Variants in DDX21 observed in about 807,000 individuals in gnomAD.
DDX21 encodes DExD-box helicase 21.
In DDX21, 18 loss-of-function variants were observed where a neutral mutation model predicts 90.0. The observed-to-expected ratio is 0.20, with a 90% confidence interval of 0.14 to 0.30. The LOEUF is 0.30. Among genes scored for constraint, DDX21 ranks in the 10% least tolerant of loss-of-function variants. The pLI, the probability that DDX21 is intolerant of heterozygous loss-of-function variation, is 1.00. For missense variants in DDX21, 673 were observed against 944.5 expected, an observed-to-expected ratio of 0.71 and a Z score of 3.77; for synonymous variants, 294 against 318.0, an observed-to-expected ratio of 0.92 and a Z score of 0.80.
intron 4 of DDX21, chr10:68,964,151 A>C: frequency 2.4e-6 from 1 of 414,898 alleles, no homozygotes; most frequent in South Asian, 1.8e-5. Context: ...AGGGCAAGTC[A>C]GAGGTGAAAA....
chr10:68,968,055 GTT>G (rs1452629576), intron 6 of DDX21, among the ~76,000 whole-genome samples: 1 of 149,876 alleles, frequency 6.7e-6, no homozygotes, highest in Non-Finnish European at 1.5e-5. Context: ...TAATTTTTCT[GTT>G]TTTTGTAGAG....
chr10:68,958,729 G>A (rs995623740), intron 1 of DDX21, among the ~76,000 whole-genome samples: 7 of 151,996 alleles, frequency 4.6e-5, no homozygotes, highest in Admixed American at 2.6e-4. Flanking sequence ...GAGCCACCGC[G>A]CCCAGCCTAA....
Position 68,960,019 on chromosome 10 carries a change from C to T in DDX21, c.301C>T (p.Pro101Ser). Residue 101 changes from proline (P) to serine (S), a missense_variant, in exon 2 of 15, where the codon CCC becomes TCC. By Grantham distance (74) the Pro-to-Ser change is moderately conservative (BLOSUM62 -1). Transcript: ENST00000354185. ...KTKSLRKKKE[P>S]IEKKVVSSKT... The stretch of plus-strand genomic sequence containing the variant: ...CAAAAGTTTGAGAAAGAAAAAGGAG[C>T]CCATTGAAAAGAAAGTGGTTTCTTC... The T allele has an allele frequency of 6.2e-7, 1 of 1,603,430 alleles. No homozygotes were observed. The highest frequency in any genetic ancestry group is 1.1e-5 in the South Asian group (1 of 87,182).
intron 1 of DDX21, among the ~76,000 whole-genome samples, chr10:68,957,632 C>A (rs1300545926): frequency 6.6e-6 from 1 of 152,156 alleles, no homozygotes; most frequent in East Asian, 1.9e-4. Context: ...ATGCTCAAAT[C>A]CAGAGGTACA....
At chr10:68,973,314 C>CA (rs1406418387) in intron 9 of DDX21, among the ~76,000 whole-genome samples, 1 of 152,160 alleles carries the variant, frequency 6.6e-6, no homozygotes, top group Non-Finnish European at 1.5e-5. Context: ...CTCTAATGGA[C>CA]AAGCACTATT....
chr10:68,978,718 T>A (rs1843142929), intron 12 of DDX21, 124 bp from the exon 13 acceptor site: 2 of 1,266,596 alleles, frequency 1.6e-6, no homozygotes, highest in African/African-American at 1.5e-5. Flanking sequence ...ACTAATTGTT[T>A]GTGTGAGATG....
chr10:68,965,316 G>T, intron 4 of DDX21, 61 bp from the exon 5 acceptor site: 2 of 1,317,596 alleles, frequency 1.5e-6, no homozygotes, highest in South Asian at 1.2e-5. Context: ...TGTTCTTTAA[G>T]GACTAGATTA....
intron 2 of DDX21, among the ~76,000 whole-genome samples, chr10:68,961,343 C>G (rs1279233870): frequency 6.6e-6 from 1 of 152,128 alleles, no homozygotes; most frequent in Non-Finnish European, 1.5e-5. Flanking sequence ...ATAGAAAATG[C>G]AGACATTTTG....
At chr10:68,964,449 C>A (rs923300789) in intron 4 of DDX21, among the ~76,000 whole-genome samples, 4 of 152,018 alleles carry the variant, frequency 2.6e-5, no homozygotes, top group African/African-American at 9.7e-5. Flanking sequence ...TTTTTGAGGA[C>A]CTGTAGCAGT....
chr10:68,961,600 T>C (rs559588373), intron 2 of DDX21, among the ~76,000 whole-genome samples: 1 of 152,350 alleles, frequency 6.6e-6, no homozygotes, highest in African/African-American at 2.4e-5. Flanking sequence ...TATAAATGTC[T>C]TGAAATCTAC....
chr10:68,962,504 T>C lies in DDX21; in HGVS notation c.607+347T>C, dbSNP rs1055614105. Among the ~76,000 whole-genome samples the C allele has an allele frequency of 4.6e-5, 7 of 152,208 alleles. No homozygotes were observed. The East Asian group carries it at 5.8e-4, about 13-fold the overall frequency. ...GGTAACACACATCTATAGTCCTAAC[T>C]ACTCCAGAGGCTGAGGAAGGAAGAT... On this transcript the variant is annotated intron_variant, in intron 3 of 14. Transcript: ENST00000354185.
chr10:68,959,416 C>T (rs1020487433), intron 1 of DDX21, among the ~76,000 whole-genome samples: 1 of 152,148 alleles, frequency 6.6e-6, no homozygotes, highest in African/African-American at 2.4e-5. Context: ...ATAACTTGAA[C>T]TCAGGAGTGG....
At chr10:68,977,396 A>T in intron 11 of DDX21, 133 bp from the exon 12 acceptor site, 4 of 793,714 alleles carry the variant, frequency 5.0e-6, no homozygotes, top group Admixed American at 2.5e-5. Context: ...TATGATTATT[A>T]TATACTGCAT....
At chr10:68,971,809 C>G in intron 8 of DDX21, 82 bp from the exon 9 acceptor site, 1 of 1,413,338 alleles carries the variant, frequency 7.1e-7, no homozygotes, top group Non-Finnish European at 9.7e-7. Flanking sequence ...ATATGAATGT[C>G]TTTTACAGGC....
chr10:68,973,622 G>A lies in DDX21; in HGVS notation c.1626G>A (p.Gln542=). Residue 542 remains glutamine, a synonymous_variant, in exon 10 of 15, where the codon CAG becomes CAA. Coordinates refer to ENST00000354185, the MANE Select transcript of DDX21 (RefSeq NM_004728.4). ...CGGGGGTGTGCATCTGCTTTTATCAGCACAAGGAAGAATATCAGTTAGTAC... is the reference window on the plus strand; with the variant it reads ...CGGGGGTGTGCATCTGCTTTTATCAACACAAGGAAGAATATCAGTTAGTAC... ...GRTGVCICFY[Q]HKEEYQLVQV... is the part of the protein sequence containing the mutation. 1 of 1,614,106 alleles carries A rather than the reference G, an allele frequency of 6.2e-7. No homozygotes were observed. The highest frequency in any genetic ancestry group is 8.5e-7 in the Non-Finnish European group (1 of 1,179,988).
chr10:68,963,491 G>A, intron 4 of DDX21, 22 bp downstream of exon 4: 1 of 1,586,164 alleles, frequency 6.3e-7, no homozygotes, highest in Non-Finnish European at 8.6e-7. Flanking sequence ...AAATACAAGG[G>A]CTCTCAGTCA....
chr10:68,965,587 A>T (rs1842929076), intron 5 of DDX21, 93 bp downstream of exon 5: 1 of 907,154 alleles, frequency 1.1e-6, no homozygotes, highest in Non-Finnish European at 1.7e-6. Flanking sequence ...TGGCTTCTCT[A>T]TATAGGATAG....
chr10:68,961,566 G>A (rs972900721), intron 2 of DDX21, among the ~76,000 whole-genome samples: 2 of 152,060 alleles, frequency 1.3e-5, no homozygotes, highest in Admixed American at 6.5e-5. Context: ...CGTTAAGTAC[G>A]CTTAATGGTT....
Position 68,967,163 on chromosome 10 carries a change from T to C in DDX21, c.1050T>C (p.Ala350=). The C allele has an allele frequency of 1.2e-6, 2 of 1,611,630 alleles. No individual in the cohort carries two copies. Among genetic ancestry groups the C allele is most frequent in the Non-Finnish European group, 1.7e-6 (2 of 1,178,894 alleles). The change falls in exon 6 of 15, where the codon GCT becomes GCC. Residue 350 remains alanine (A), a synonymous_variant. Coordinates refer to ENST00000354185, the MANE Select transcript of DDX21 (RefSeq NM_004728.4). Reference sequence around the variant, plus strand: ...ACCAGATGTTGGATATGGGATTTGCTGATCAAGTGGAAGAGATTTTAAGTG... The same window carrying C: ...ACCAGATGTTGGATATGGGATTTGCCGATCAAGTGGAAGAGATTTTAAGTG... ...EVDQMLDMGF[A]DQVEEILSVA... is the part of the protein sequence containing the mutation.
Sources: gnomAD v4.1 joint callset for allele counts (sites outside exome capture counted in the v4.1 genomes callset) on GRCh38, gnomAD v4.1.1 for gene constraint, MANE v1.5 for transcripts, NCBI Gene and HGNC (gene_info 2026-07-23, HGNC 2026-07-21) for gene names.